Variants in ANXA8 observed in about 807,000 individuals in gnomAD.
ANXA8 encodes VAC-beta.
ANXA8 carries 9 observed loss-of-function variants against 26.8 expected under a neutral mutation model. The ratio of observed to expected loss-of-function variants is 0.34; its 90% confidence interval spans 0.20 to 0.59. The LOEUF (loss-of-function observed/expected upper bound fraction) is 0.59. Among genes scored for constraint, ANXA8 ranks in the 20% least tolerant of loss-of-function variants. The pLI, the probability that ANXA8 is intolerant of heterozygous loss-of-function variation, is 0.84. For synonymous variants in ANXA8, 39 were observed against 94.8 expected (o/e 0.41, Z 3.42); for missense variants, 83 against 238.5 (o/e 0.35, Z 4.29).
the ANXA8 span, among the ~76,000 whole-genome samples, chr10:47,566,194 T>C: frequency 2.6e-5 from 4 of 152,050 alleles, no homozygotes; most frequent in Admixed American, 2.6e-4. Context: ...ACAGTGCGGG[T>C]GGTCCTCGAG....
At chr10:47,554,961 C>T in the ANXA8 span, among the ~76,000 whole-genome samples, 2 of 151,496 alleles carry the variant, frequency 1.3e-5, no homozygotes, top group African/African-American at 2.4e-5. Context: ...TCTGCCCTAC[C>T]TCAGCTTCCC....
chr10:47,704,976 G>A, the ANXA8 span, among the ~76,000 whole-genome samples: 36 of 152,142 alleles, frequency 2.4e-4, no homozygotes, highest in Middle Eastern at 3.4e-3. Context: ...AAAAATCCTC[G>A]TAAGATTTCA....
upstream of ANXA8, among the ~76,000 whole-genome samples, chr10:47,485,271 T>G: frequency 6.6e-6 from 1 of 152,044 alleles, no homozygotes; most frequent in Non-Finnish European, 1.5e-5. Context: ...TGTTTATCCT[T>G]TGGGCACCTG....
At chr10:47,616,274 G>A in the ANXA8 span, among the ~76,000 whole-genome samples, 710 of 69,590 alleles carry the variant, frequency 0.01, 217 homozygotes, top group Non-Finnish European at 0.019. Flanking sequence ...TTTCTATTGA[G>A]AGGCAGGCAC....
At chr10:47,651,052 G>A in the ANXA8 span, among the ~76,000 whole-genome samples, 2 of 151,352 alleles carry the variant, frequency 1.3e-5, no homozygotes, top group Non-Finnish European at 2.9e-5. Context: ...GGGCAACATA[G>A]GGAGATAGGC....
At position 47,475,511 on chromosome 10, in the gene ANXA8, G is replaced by T. The variant is rs1277232951; in HGVS notation, c.474C>A (p.Ile158=). The change falls in exon 6 of 12, where the codon ATC becomes ATA. Residue 158 remains isoleucine, a synonymous_variant. Transcript: ENST00000585281. Reference sequence around the variant, plus strand: ...GTGACACCTGCAGGAGGCACACCAGGATCCTCTCCAGGTAGCCACTTGTGT... The same window carrying T: ...GTGACACCTGCAGGAGGCACACCAGTATCCTCTCCAGGTAGCCACTTGTGT... ...QADTSGYLER[I]LVCLLQGSRD... The T allele has an allele frequency of 6.2e-7, 1 of 1,604,742 alleles. No homozygotes were observed. Among genetic ancestry groups the T allele is most frequent in the African/African-American group, 1.3e-5 (1 of 74,106 alleles).
chr10:47,969,637 C>A, the ANXA8 span, among the ~76,000 whole-genome samples: 1 of 146,692 alleles, frequency 6.8e-6, no homozygotes, highest in South Asian at 2.2e-4. Context: ...TTCTCCCTTC[C>A]ACCGAAGGGC....
chr10:47,888,977 T>TATA, the ANXA8 span, among the ~76,000 whole-genome samples: 1 of 63,282 alleles, frequency 1.6e-5, no homozygotes, highest in East Asian at 2.4e-4. Flanking sequence ...TATAATATAA[T>TATA]ATATATGTGT....
chr10:47,722,780 G>A, the ANXA8 span, among the ~76,000 whole-genome samples: 6 of 142,628 alleles, frequency 4.2e-5, no homozygotes, highest in Non-Finnish European at 4.6e-5. Context: ...TTAGCTGTGC[G>A]TTGGAGAGTG....
chr10:47,697,083 C>A, the ANXA8 span, among the ~76,000 whole-genome samples: 15 of 151,718 alleles, frequency 9.9e-5, no homozygotes, highest in Non-Finnish European at 1.8e-4. Context: ...CAGCTATCTC[C>A]TCCACTAGGA....
At chr10:47,575,510 A>G in the ANXA8 span, among the ~76,000 whole-genome samples, 2 of 123,716 alleles carry the variant, frequency 1.6e-5, no homozygotes, top group African/African-American at 3.0e-5. Flanking sequence ...TCAGCCTCCC[A>G]CGTAACTGGG....
At chr10:47,594,256 TCTGA>T in the ANXA8 span, among the ~76,000 whole-genome samples, 4 of 149,608 alleles carry the variant, frequency 2.7e-5, no homozygotes, top group African/African-American at 1.0e-4. Context: ...TATAGAGAAC[TCTGA>T]CTAATACAAA....
the ANXA8 span, among the ~76,000 whole-genome samples, chr10:47,645,942 T>A: frequency 6.7e-6 from 1 of 148,880 alleles, no homozygotes; most frequent in African/African-American, 2.6e-5. Flanking sequence ...TCACTAACTT[T>A]CCTGGGCCTC....
the ANXA8 span, chr10:47,689,572 T>G: frequency 1.9e-6 from 1 of 513,270 alleles, no homozygotes; most frequent in East Asian, 3.2e-5. Context: ...AAATGGCATA[T>G]CAAAAAAATC....
chr10:47,941,179 G>C, the ANXA8 span, among the ~76,000 whole-genome samples: 4 of 146,216 alleles, frequency 2.7e-5, no homozygotes, highest in East Asian at 8.4e-4. Flanking sequence ...TCTGCAGACA[G>C]GGGTAAGCAG....
the ANXA8 span, among the ~76,000 whole-genome samples, chr10:47,607,210 T>A: frequency 7.0e-6 from 1 of 143,334 alleles, no homozygotes; most frequent in Non-Finnish European, 1.5e-5. Flanking sequence ...TGGGAATTGG[T>A]TATATTATTT....
chr10:47,693,533 G>A, the ANXA8 span, among the ~76,000 whole-genome samples: 1 of 151,506 alleles, frequency 6.6e-6, no homozygotes, highest in Non-Finnish European at 1.5e-5. Context: ...CTCGTGATCC[G>A]CCCGCCTCGG....
the ANXA8 span, among the ~76,000 whole-genome samples, chr10:47,711,921 A>T: frequency 3.2e-4 from 6 of 18,910 alleles, no homozygotes; most frequent in African/African-American, 1.7e-3. Context: ...CCTTATTTGT[A>T]ACCATCATTT....
the ANXA8 span, among the ~76,000 whole-genome samples, chr10:47,654,191 G>T: frequency 6.7e-6 from 1 of 150,100 alleles, no homozygotes; most frequent in Admixed American, 6.6e-5. Flanking sequence ...GGGTTAAAAC[G>T]TTCAGATTGT....
Sources: gnomAD v4.1 joint callset for allele counts (sites outside exome capture counted in the v4.1 genomes callset) on GRCh38, gnomAD v4.1.1 for gene constraint, MANE v1.5 for transcripts, NCBI Gene and HGNC (gene_info 2026-07-23, HGNC 2026-07-21) for gene names.